The following APCDD1 variants were observed in gnomAD, a reference collection of about 807,000 sequenced individuals.
APCDD1 encodes the protein APC down-regulated 1.
Under a neutral mutation model 38.1 loss-of-function variants are expected in APCDD1, and 15 were observed. The ratio of observed to expected loss-of-function variants is 0.39; its 90% confidence interval spans 0.26 to 0.61. The LOEUF is 0.61. Among genes scored for constraint, APCDD1 ranks in the 20% least tolerant of loss-of-function variants. APCDD1 has a pLI of 0.49. For missense variants in APCDD1, 647 were observed against 696.2 expected (o/e 0.93, Z 0.79); for synonymous variants, 261 against 279.7 (o/e 0.93, Z 0.67).
chr18:10,478,617 C>A (rs1231978065), intron 3 of APCDD1, among the ~76,000 whole-genome samples: 1 of 152,178 alleles, frequency 6.6e-6, no homozygotes, highest in Non-Finnish European at 1.5e-5. Flanking sequence ...GGGCACTAAT[C>A]CCCTTCTTAA....
rs374253239 is a variant in APCDD1 at position 10,487,794 on chromosome 18, G to A, written c.1301G>A (p.Arg434His). 99 of 1,614,116 alleles carry A rather than the reference G, an allele frequency of 6.1e-5. No homozygotes were observed. Among genetic ancestry groups the A allele is most frequent in the South Asian group, 2.9e-4 (26 of 91,086 alleles). The change falls in exon 5 of 5, where the codon CGC becomes CAC. Residue 434 changes from arginine (R) to histidine (H), a missense_variant. Transcript: ENST00000355285. ...AAAATGGAACAGGATGCCCGGGGGC[G>A]CTATCTGCTGTTCAACGGTCAGAGG... ...IFKMEQDARG[R>H]YLLFNGQRPS...
In APCDD1 at chr18:10,489,897, A is replaced by G. The variant is rs1200235909; in HGVS notation, c.*1859A>G. Reference sequence around the variant, plus strand: ...CAAAGATGTCAAAATACTCTCAGAAATACAACTGATACTATCTTTAAAAGA... The same window carrying G: ...CAAAGATGTCAAAATACTCTCAGAAGTACAACTGATACTATCTTTAAAAGA... On this transcript the variant is annotated 3_prime_UTR_variant, in exon 5 of 5. Coordinates refer to ENST00000355285, the MANE Select transcript of APCDD1 (RefSeq NM_153000.5). 3 of 152,150 alleles carry G rather than the reference A, an allele frequency of 2.0e-5. No individual in the cohort carries two copies. Among genetic ancestry groups the G allele is most frequent in the Admixed American group, 6.5e-5 (1 of 15,276 alleles). 9.4% of individuals were successfully genotyped at this position (152,150 alleles called of 1,614,324 possible). A position where few individuals can be genotyped will look rare whatever the true frequency, so the allele number is the denominator to read the frequency against.
Position 10,454,725 on chromosome 18 carries a change from G to A in APCDD1, c.-257G>A. The A allele has an allele frequency of 1.0e-6, 1 of 982,478 alleles. No individual in the cohort carries two copies. Among genetic ancestry groups the A allele is most frequent in the African/African-American group, 1.8e-5 (1 of 56,914 alleles). The allele number at this position is 982,478 out of a possible 1,614,324, so 60.9% of individuals were successfully genotyped here. A position where few individuals can be genotyped will look rare whatever the true frequency, so the allele number is the denominator to read the frequency against. On this transcript the variant is annotated 5_prime_UTR_variant, in exon 1 of 5. Transcript: ENST00000355285. The stretch of plus-strand genomic sequence containing the variant: ...CGGGGCGGGACGCGGGGCCGGGCGC[G>A]GAGAAGTCGGGGCGGGCGGCAGAGA...
Position 10,469,522 on chromosome 18 carries a change from A to T in APCDD1, c.242+870A>T, listed in dbSNP as rs1466898911. 6.6e-6 allele frequency among the ~76,000 whole-genome samples: 1 copy of T among 152,204 alleles called. No individual in the cohort carries two copies. Among genetic ancestry groups the T allele is most frequent in the Non-Finnish European group, 1.5e-5 (1 of 68,030 alleles). ...AACAAATATTTATTGAGTGCCTACCATATGCCAAACACTATTTTAAGTTTT... is the reference window on the plus strand; with the variant it reads ...AACAAATATTTATTGAGTGCCTACCTTATGCCAAACACTATTTTAAGTTTT... On this transcript the variant is annotated intron_variant, in intron 2 of 4. Coordinates refer to ENST00000355285, the MANE Select transcript of APCDD1 (RefSeq NM_153000.5). The surrounding 1 kb of genome is among the most constrained non-coding windows in gnomAD (Gnocchi z 5.5).
rs1173840084 is a variant in APCDD1 at position 10,475,964 on chromosome 18, T to C, written c.774+3903T>C. On this transcript the variant is annotated intron_variant, in intron 3 of 4. Coordinates refer to ENST00000355285, the MANE Select transcript of APCDD1 (RefSeq NM_153000.5). This position sits in a 1 kb window ranked among gnomAD's most constrained non-coding sequence, Gnocchi z 4.0. ...AGAAGGAACAAAATGGACTCAGCCA[T>C]TGGTGTCTTTCCAGACCCGGGCACC... is the stretch of plus-strand genomic sequence containing the variant. The C allele has an allele frequency of 6.6e-6, 1 of 152,264 alleles. No individual in the cohort carries two copies. The highest frequency in any genetic ancestry group is 2.4e-5 in the African/African-American group (1 of 41,438). The allele number at this position is 152,264 out of a possible 1,614,324, so 9.4% of individuals were successfully genotyped here. A position where few individuals can be genotyped will look rare whatever the true frequency, so the allele number is the denominator to read the frequency against.
rs1045648 is a variant in APCDD1, at chr18:10,488,453, G to A, written c.*415G>A. 17,852 of 187,368 alleles carry A rather than the reference G, an allele frequency of 0.095. 1,080 individuals are homozygous for A. The highest frequency in any genetic ancestry group is 0.19 in the East Asian group (1,200 of 6,164). The allele number at this position is 187,368 out of a possible 1,614,324, so 11.6% of individuals were successfully genotyped here. Reference sequence around the variant, plus strand: ...CTGTGGTTGCAGCCTGTCTTCCTTTGAAATTGTTTTACTCTCTGAGTTTTA... The same window carrying A: ...CTGTGGTTGCAGCCTGTCTTCCTTTAAAATTGTTTTACTCTCTGAGTTTTA... On this transcript the variant is annotated 3_prime_UTR_variant, in exon 5 of 5. Coordinates refer to ENST00000355285, the MANE Select transcript of APCDD1 (RefSeq NM_153000.5).
At chr18:10,466,733 AACCATG>A (rs2030725824) in intron 1 of APCDD1, among the ~76,000 whole-genome samples, 2 of 152,210 alleles carry the variant, frequency 1.3e-5, no homozygotes, top group Non-Finnish European at 2.9e-5. Flanking sequence ...CTGGCTTAAT[AACCATG>A]ACCATGAATA....
At chr18:10,466,428 A>AT (rs1266321983) in intron 1 of APCDD1, among the ~76,000 whole-genome samples, 1 of 152,164 alleles carries the variant, frequency 6.6e-6, no homozygotes, top group East Asian at 1.9e-4. Flanking sequence ...AGGAGTGCTC[A>AT]TAGTTCCCCC....
intron 1 of APCDD1, among the ~76,000 whole-genome samples, chr18:10,462,204 A>G (rs1183744122): frequency 6.6e-6 from 1 of 152,240 alleles, no homozygotes; most frequent in East Asian, 1.9e-4. Flanking sequence ...AAGCACATTT[A>G]TTATTATAAA....
intron 4 of APCDD1, among the ~76,000 whole-genome samples, chr18:10,486,544 G>A (rs1019793813): frequency 2.0e-5 from 3 of 152,098 alleles, no homozygotes; most frequent in East Asian, 1.9e-4. Context: ...TGAGCTTGTC[G>A]TGTAATTGAG....
At chr18:10,461,872 G>A (rs990698600) in intron 1 of APCDD1, among the ~76,000 whole-genome samples, 1 of 152,096 alleles carries the variant, frequency 6.6e-6, no homozygotes, top group Non-Finnish European at 1.5e-5. Flanking sequence ...CATTATTTGT[G>A]TGTGTACTCT....
rs1323654823 is a variant in APCDD1, at chr18:10,467,010, TCTA to T, written c.59-1456_59-1454del. Among the ~76,000 whole-genome samples the T allele has an allele frequency of 2.6e-5, 4 of 152,226 alleles. No homozygotes were observed. The highest frequency in any genetic ancestry group is 5.9e-5 in the Non-Finnish European group (4 of 68,034). On this transcript the variant is annotated intron_variant, in intron 1 of 4. Coordinates refer to ENST00000355285, the MANE Select transcript of APCDD1 (RefSeq NM_153000.5). The surrounding 1 kb of genome is among the most constrained non-coding windows in gnomAD (Gnocchi z 4.8). Reference sequence around the variant, plus strand: ...TGTCTTTCCATCTCAAAGCCAGAATTCTACTTAGAGGGAAAATCTGGGAGTTCA... The same window carrying T: ...TGTCTTTCCATCTCAAAGCCAGAATTCTTAGAGGGAAAATCTGGGAGTTCA...
At chr18:10,481,730 A>G (rs1727377143) in intron 3 of APCDD1, among the ~76,000 whole-genome samples, 2 of 150,418 alleles carry the variant, frequency 1.3e-5, no homozygotes, top group South Asian at 4.2e-4. Context: ...ACCAATACCC[A>G]AGAGCCAGGT....
In APCDD1 at chr18:10,468,682, C is replaced by T. The variant is rs73388589; in HGVS notation, c.242+30C>T. ...GAGGACAGGTGGGGTCTGGGAGAGG[C>T]CAGAGAGCACACCACTATGGAAGAC... is the stretch of plus-strand genomic sequence containing the variant. On this transcript the variant is annotated intron_variant, in intron 2 of 4. Coordinates refer to ENST00000355285, the MANE Select transcript of APCDD1 (RefSeq NM_153000.5). 3,799 of 1,608,070 alleles carry T rather than the reference C, an allele frequency of 2.4e-3. 75 individuals carry two copies. The African/African-American group carries it at 0.044, about 19-fold the overall frequency.
intron 1 of APCDD1, among the ~76,000 whole-genome samples, chr18:10,456,940 C>T (rs988232768): frequency 2.0e-5 from 3 of 152,112 alleles, no homozygotes; most frequent in Admixed American, 2.0e-4. Flanking sequence ...AGACCGTGTG[C>T]GTGCTGGTAT....
Position 10,488,084 on chromosome 18 carries a change from T to C in APCDD1, c.*46T>C. The C allele has an allele frequency of 2.5e-6, 4 of 1,604,998 alleles. No individual in the cohort carries two copies. The highest frequency in any genetic ancestry group is 3.4e-6 in the Non-Finnish European group (4 of 1,176,574). On this transcript the variant is annotated 3_prime_UTR_variant, in exon 5 of 5. Coordinates refer to ENST00000355285, the MANE Select transcript of APCDD1 (RefSeq NM_153000.5). ...TTTCCAAACCAGGATTCCTTACTAT[T>C]GACAGATTTGCTTTACCAAAAGAAA...
At chr18:10,458,103 A>G (rs1246329884) in intron 1 of APCDD1, among the ~76,000 whole-genome samples, 1 of 152,232 alleles carries the variant, frequency 6.6e-6, no homozygotes, top group African/African-American at 2.4e-5. Context: ...CAGCTCCAAA[A>G]CACAGATTAG....
intron 3 of APCDD1, among the ~76,000 whole-genome samples, chr18:10,481,393 GAT>G (rs1405939628): frequency 6.6e-6 from 1 of 152,130 alleles, no homozygotes. Flanking sequence ...TTACAACATC[GAT>G]AAAACTTGAG....
Position 10,487,695 on chromosome 18 carries a change from A to G in APCDD1, c.1202A>G (p.Gln401Arg). 6.2e-7 allele frequency: 1 copy of G among 1,614,194 alleles called. No homozygotes were observed. The highest frequency in any genetic ancestry group is 8.5e-7 in the Non-Finnish European group (1 of 1,180,042). The change falls in exon 5 of 5, where the codon CAG becomes CGG. Residue 401 changes from glutamine (Q) to arginine (R), a missense_variant. Coordinates refer to ENST00000355285, the MANE Select transcript of APCDD1 (RefSeq NM_153000.5). The stretch of plus-strand genomic sequence containing the variant: ...GAGGGCTCCTGGCAGGTGGGCATCC[A>G]GCAGGATGTGACCCACACCAATGGC... ...GAEGSWQVGI[Q>R]QDVTHTNGCV... is the part of the protein sequence containing the mutation.
Sources: gnomAD v4.1 joint callset for allele counts (sites outside exome capture counted in the v4.1 genomes callset) on GRCh38, gnomAD v4.1.1 for gene constraint, Gnocchi (gnomAD v3.1) non-coding constraint, MANE v1.5 for transcripts, NCBI Gene and HGNC (gene_info 2026-07-23, HGNC 2026-07-21) for gene names.